Variants in GNAQ observed in about 807,000 individuals in gnomAD.
GNAQ encodes guanine nucleotide-binding protein G(q) subunit alpha.
A neutral mutation model predicts 43.9 loss-of-function variants in GNAQ; 8 were observed. The observed-to-expected ratio is 0.18, with a 90% CI of 0.11 to 0.33. GNAQ has a LOEUF of 0.33. GNAQ is among the 10% of genes least tolerant of loss of function. The pLI, the probability that GNAQ is intolerant of heterozygous loss-of-function variation, is 1.00. For missense variants in GNAQ, 158 were observed against 450.8 expected (o/e 0.35, Z 5.88); for synonymous variants, 155 against 170.7 (o/e 0.91, Z 0.71).
chr9:77,775,129 G>A (rs964297186), intron 5 of GNAQ, among the ~76,000 whole-genome samples: 3 of 152,060 alleles, frequency 2.0e-5, no homozygotes, highest in African/African-American at 7.2e-5. Flanking sequence ...TTTAGCATCT[G>A]CATAGTATTT....
intron 3 of GNAQ, among the ~76,000 whole-genome samples, chr9:77,808,236 T>C (rs1358332583): frequency 6.6e-6 from 1 of 151,858 alleles, no homozygotes; most frequent in Non-Finnish European, 1.5e-5. Context: ...GTAATGAAGG[T>C]TAGAGTAGAG....
chr9:78,013,940 C>T (rs1053458563), intron 1 of GNAQ, among the ~76,000 whole-genome samples: 1 of 152,082 alleles, frequency 6.6e-6, no homozygotes, highest in Non-Finnish European at 1.5e-5. Flanking sequence ...TGCTGATGAT[C>T]CTTGGTATAG....
At chr9:77,738,961 T>C (rs1233482125) in intron 5 of GNAQ, among the ~76,000 whole-genome samples, 1 of 152,176 alleles carries the variant, frequency 6.6e-6, no homozygotes, top group Non-Finnish European at 1.5e-5. Context: ...TGTACTATTA[T>C]AAATAACACT....
At chr9:77,814,409 G>A (rs1252173903) in intron 3 of GNAQ, among the ~76,000 whole-genome samples, 1 of 152,088 alleles carries the variant, frequency 6.6e-6, no homozygotes, top group Admixed American at 6.5e-5. Flanking sequence ...CATTTCAGAG[G>A]CACACAAGGG....
At position 77,737,135 on chromosome 9, in the gene GNAQ, T is replaced by C. The variant is rs191216750; in HGVS notation, c.736-8468A>G. Reference sequence around the variant, plus strand: ...TCATGACACTGACTTTTCAATTCACTGAACTTTCCTCCTTCCAGTACTCTC... The same window carrying C: ...TCATGACACTGACTTTTCAATTCACCGAACTTTCCTCCTTCCAGTACTCTC... On this transcript the variant is annotated intron_variant, in intron 5 of 6. Coordinates refer to ENST00000286548, the MANE Select transcript of GNAQ (RefSeq NM_002072.5). Among the ~76,000 whole-genome samples the C allele has an allele frequency of 1.5e-3, 234 of 152,358 alleles. 1 individual carries two copies. The highest frequency in any genetic ancestry group is 5.0e-3 in the African/African-American group (210 of 41,586).
rs1173218496 is a variant in GNAQ at position 77,974,449 on chromosome 9, C to G, written c.137-52104G>C. The stretch of plus-strand genomic sequence containing the variant: ...GAGGGACTAATGATAGTAACTACCA[C>G]ATGCCATGCTTACTATGTGTGAGAT... On this transcript the variant is annotated intron_variant, in intron 1 of 6. Coordinates refer to ENST00000286548, the MANE Select transcript of GNAQ (RefSeq NM_002072.5). Among the ~76,000 whole-genome samples the G allele has an allele frequency of 2.0e-5, 3 of 152,184 alleles. No individual in the cohort carries two copies. The East Asian group carries it at 5.8e-4, about 29-fold the overall frequency.
chr9:77,785,792 C>T (rs1826467646), intron 5 of GNAQ, among the ~76,000 whole-genome samples: 1 of 151,984 alleles, frequency 6.6e-6, no homozygotes, highest in South Asian at 2.1e-4. Context: ...TTTTGTACCC[C>T]AAAATATGAA....
intron 1 of GNAQ, among the ~76,000 whole-genome samples, chr9:77,959,275 C>T (rs1823078856): frequency 6.6e-6 from 1 of 152,152 alleles, no homozygotes; most frequent in Admixed American, 6.5e-5. Flanking sequence ...AACTTTCAGT[C>T]TATGATAAAA....
At chr9:77,773,370 T>C (rs934790167) in intron 5 of GNAQ, among the ~76,000 whole-genome samples, 1 of 152,242 alleles carries the variant, frequency 6.6e-6, no homozygotes, top group African/African-American at 2.4e-5. Flanking sequence ...TTAAAATTGA[T>C]AGTATGAACT....
chr9:77,979,941 G>C (rs559375744), intron 1 of GNAQ, among the ~76,000 whole-genome samples: 1 of 152,288 alleles, frequency 6.6e-6, no homozygotes, highest in African/African-American at 2.4e-5. Context: ...CATGTTATGA[G>C]ACAGAAAATA....
At chr9:77,743,846 T>TCTAA (rs559790004) in intron 5 of GNAQ, among the ~76,000 whole-genome samples, 12 of 152,252 alleles carry the variant, frequency 7.9e-5, no homozygotes. Context: ...CTGCTCCTGG[T>TCTAA]CTAACTCTCA....
intron 1 of GNAQ, among the ~76,000 whole-genome samples, chr9:77,943,815 C>A (rs1032678565): frequency 1.3e-5 from 2 of 151,940 alleles, no homozygotes; most frequent in African/African-American, 4.8e-5. Context: ...TACAGGTACA[C>A]AACACCACGC....
intron 1 of GNAQ, among the ~76,000 whole-genome samples, chr9:77,936,450 T>C (rs1356798584): frequency 2.0e-5 from 3 of 151,942 alleles, no homozygotes; most frequent in Non-Finnish European, 4.4e-5. Context: ...AAAAAAACGA[T>C]CAGAAACCAA....
intron 1 of GNAQ, among the ~76,000 whole-genome samples, chr9:77,974,899 T>C (rs867998757): frequency 2.6e-5 from 4 of 152,340 alleles, no homozygotes; most frequent in Middle Eastern, 3.4e-3. Context: ...TAGCTTGAAA[T>C]ATTCTTGTAC....
intron 2 of GNAQ, among the ~76,000 whole-genome samples, chr9:77,843,247 G>A (rs945538000): frequency 3.3e-5 from 5 of 152,118 alleles, no homozygotes; most frequent in African/African-American, 4.8e-5. Flanking sequence ...TGAGCCATGC[G>A]GATATCTGGG....
chr9:77,945,355 A>G (rs1162464386), intron 1 of GNAQ, among the ~76,000 whole-genome samples: 2 of 152,118 alleles, frequency 1.3e-5, no homozygotes, highest in Non-Finnish European at 2.9e-5. Flanking sequence ...AAAAAGAGAG[A>G]GAGAGATTTC....
chr9:77,975,552 T>C (rs1304161399), intron 1 of GNAQ, among the ~76,000 whole-genome samples: 1 of 149,618 alleles, frequency 6.7e-6, no homozygotes, highest in Non-Finnish European at 1.5e-5. Context: ...TTTTTTTTTT[T>C]TTTTTTGAGA....
chr9:77,864,199 C>A (rs1478411413), intron 2 of GNAQ, among the ~76,000 whole-genome samples: 1 of 140,758 alleles, frequency 7.1e-6, no homozygotes, highest in African/African-American at 2.6e-5. Flanking sequence ...ACAATTAGTT[C>A]TCTCAGGGAC....
chr9:77,829,950 A>C (rs1442032313), intron 2 of GNAQ, among the ~76,000 whole-genome samples: 1 of 149,608 alleles, frequency 6.7e-6, no homozygotes, highest in African/African-American at 2.5e-5. Flanking sequence ...GACATGACCA[A>C]TTTTTTTTTT....
Sources: allele counts gnomAD v4.1 joint callset (sites outside exome capture counted in the v4.1 genomes callset), GRCh38; gene constraint gnomAD v4.1.1; transcripts MANE v1.5; gene names NCBI Gene and HGNC (gene_info 2026-07-23, HGNC 2026-07-21).